XPO5: variants seen among roughly 807,000 people sequenced by gnomAD.
The protein encoded by XPO5 is exportin-5.
XPO5 carries 46 observed loss-of-function variants against 160.6 expected under a neutral mutation model. The ratio of observed to expected loss-of-function variants is 0.29; its 90% CI spans 0.23 to 0.37. The LOEUF (loss-of-function observed/expected upper bound fraction) is 0.37, where lower values mean the gene tolerates loss of function less well. Among genes scored for constraint, XPO5 ranks in the 10% least tolerant of loss-of-function variants. The pLI is 1.00. For synonymous variants in XPO5, 537 were observed against 519.3 expected (o/e 1.03, Z -0.46); for missense variants, 1,090 against 1,463.9 (o/e 0.74, Z 4.17).
intron 8 of XPO5, among the ~76,000 whole-genome samples, chr6:43,563,505 G>A (rs534299110): frequency 3.9e-5 from 6 of 152,278 alleles, no homozygotes; most frequent in Non-Finnish European, 4.4e-5. Flanking sequence ...ATCACTTAAC[G>A]ACTGGGGATG....
chr6:43,569,248 C>T lies in XPO5; in HGVS notation c.622-511G>A, dbSNP rs1173046274. Among the ~76,000 whole-genome samples, 3 of 148,276 alleles carry T rather than the reference C, an allele frequency of 2.0e-5. No homozygotes were observed. In the East Asian group the frequency reaches 5.9e-4, roughly 29 times the overall value. ...CAGAGGTTGCAGTGAACCAAGATTG[C>T]ACTACTGCACTCCAGCCTGGGCAAC... On this transcript the variant is annotated intron_variant, in intron 5 of 31. Coordinates refer to ENST00000265351, the MANE Select transcript of XPO5 (RefSeq NM_020750.3).
chr6:43,574,276 C>T (rs1270866239), intron 1 of XPO5, among the ~76,000 whole-genome samples: 1 of 152,108 alleles, frequency 6.6e-6, no homozygotes, highest in Non-Finnish European at 1.5e-5. Context: ...GCACGCCAGC[C>T]TGGACAACCA....
intron 26 of XPO5, 176 bp from the exon 27 acceptor site, chr6:43,526,923 C>A: frequency 1.6e-6 from 1 of 631,422 alleles, no homozygotes. Context: ...TTCTGATGAC[C>A]GAACTGTTTT....
At chr6:43,562,136 GC>G in intron 9 of XPO5, 110 bp downstream of exon 9, 1 of 728,180 alleles carries the variant, frequency 1.4e-6, no homozygotes, top group Non-Finnish European at 2.3e-6. Context: ...GTATGGCACT[GC>G]CCCATCAGGC....
intron 1 of XPO5, 46 bp downstream of exon 1, chr6:43,575,713 TG>T: frequency 1.3e-6 from 2 of 1,546,906 alleles, no homozygotes; most frequent in Non-Finnish European, 1.8e-6. Flanking sequence ...CTGCTGGGGC[TG>T]GGAGAGGGTG....
Position 43,575,896 on chromosome 6 carries a change from C to A in XPO5, c.-32G>T, listed in dbSNP as rs758608993. The A allele has an allele frequency of 6.2e-6, 10 of 1,605,418 alleles. No homozygotes were observed. The highest frequency in any genetic ancestry group is 8.5e-6 in the Non-Finnish European group (10 of 1,174,078). On this transcript the variant is annotated 5_prime_UTR_variant, in exon 1 of 32. Transcript: ENST00000265351. ...CGCCACGCGCCGAGAGCGCACACCA[C>A]TGCAGTCCCGGGACCACGAGGCACG...
intron 18 of XPO5, 90 bp from the exon 19 acceptor site, chr6:43,547,797 G>A (rs910230892): frequency 2.7e-5 from 29 of 1,081,786 alleles, no homozygotes; most frequent in Middle Eastern, 2.0e-4. Flanking sequence ...TCATTATTTG[G>A]CCCTTAAGAG....
At position 43,527,659 on chromosome 6, in the gene XPO5, T is replaced by C. The variant is rs1793684997; in HGVS notation, c.2895A>G (p.Leu965=). 6.2e-7 allele frequency: 1 copy of C among 1,614,032 alleles called. No individual in the cohort carries two copies. Residue 965 remains leucine (L), a synonymous_variant, in exon 26 of 32, where the codon TTA becomes TTG. Coordinates refer to ENST00000265351, the MANE Select transcript of XPO5 (RefSeq NM_020750.3). Reference sequence around the variant, plus strand: ...TGATTAGGTCCATGACTTCTCGGGTTAACATCCTCACCAGTTGCTCCTCCA... The same window carrying C: ...TGATTAGGTCCATGACTTCTCGGGTCAACATCCTCACCAGTTGCTCCTCCA... ...EMLEEQLVRM[L]TREVMDLITV... is the part of the protein sequence containing the mutation.
At position 43,546,563 on chromosome 6, in the gene XPO5, T is replaced by C. The variant is rs761017927; in HGVS notation, c.2342+8A>G. The C allele has an allele frequency of 2.5e-5, 40 of 1,597,310 alleles. No individual in the cohort carries two copies. Among genetic ancestry groups the C allele is most frequent in the Non-Finnish European group, 3.2e-5 (38 of 1,174,746 alleles). On this transcript the variant is annotated splice_region_variant and intron_variant, in intron 20 of 31. Coordinates refer to ENST00000265351, the MANE Select transcript of XPO5 (RefSeq NM_020750.3). ...AAACAACAGAGAAAAGCCATTATTC[T>C]GACTCACCTTATAAGCGCAAGCAAA...
chr6:43,558,566 C>G lies in XPO5; in HGVS notation c.1247G>C (p.Ser416Thr). 1.3e-6 allele frequency: 2 copies of G among 1,598,988 alleles called. No individual in the cohort carries two copies. Among genetic ancestry groups the G allele is most frequent in the South Asian group, 2.3e-5 (2 of 87,724 alleles). ...AAACCGAGAATATTCACAGCTAGGG[C>G]TGTCTGTTTTAGAAGGAAAGCCCAT... is the stretch of plus-strand genomic sequence containing the variant. Reference protein sequence around the residue: ...VKMGFPSKTDSPSCEYSRFDF... With the variant: ...VKMGFPSKTDTPSCEYSRFDF... The change falls in exon 12 of 32, where the codon AGC (serine) becomes ACC (threonine). Residue 416 changes from serine (S) to threonine (T), a missense_variant. Physicochemically the swap from Ser to Thr is moderately conservative, Grantham distance 58. Coordinates refer to ENST00000265351, the MANE Select transcript of XPO5 (RefSeq NM_020750.3).
chr6:43,557,783 TAAAAA>T lies in XPO5; in HGVS notation c.1312+713_1312+717del, dbSNP rs59661301. ...AATGAATTTTGTCTCAATAAAGCTG[TAAAAA>T]AAAAAAAAAAAAAAAAAAAAAGGAG... On this transcript the variant is annotated intron_variant, in intron 12 of 31. Coordinates refer to ENST00000265351, the MANE Select transcript of XPO5 (RefSeq NM_020750.3). Among the ~76,000 whole-genome samples the T allele has an allele frequency of 2.1e-4, 18 of 87,242 alleles. No individual in the cohort carries two copies. The South Asian group carries it at 5.0e-3, about 24-fold the overall frequency. The allele number at this position is 87,242 out of a possible 152,430, so 57.2% of individuals were successfully genotyped here. A position where few individuals can be genotyped will look rare whatever the true frequency, so the allele number is the denominator to read the frequency against.
rs540973030 is a variant in XPO5, at chr6:43,526,812, G to A, written c.2921-65C>T. On this transcript the variant is annotated intron_variant, in intron 26 of 31. Coordinates refer to ENST00000265351, the MANE Select transcript of XPO5 (RefSeq NM_020750.3). Reference sequence around the variant, plus strand: ...ATATACTACCACAACAGCCACCTCAGGCCCACTGATCCCAACCTGTCTCTG... The same window carrying A: ...ATATACTACCACAACAGCCACCTCAAGCCCACTGATCCCAACCTGTCTCTG... 1.2e-5 allele frequency: 19 copies of A among 1,540,906 alleles called. No homozygotes were observed. The East Asian group carries it at 3.9e-4, about 32-fold the overall frequency.
In XPO5 at chr6:43,549,887, TC is replaced by T; in HGVS notation, c.1770+5del. ...TAGAATCTATTGGTTTAATTAATGGTCTTACCTTACTTTCTTCAACAGTTTC... is the reference window on the plus strand; with the variant it reads ...TAGAATCTATTGGTTTAATTAATGGTTTACCTTACTTTCTTCAACAGTTTC... On this transcript the variant is annotated splice_donor_5th_base_variant and intron_variant, in intron 16 of 31. Coordinates refer to ENST00000265351, the MANE Select transcript of XPO5 (RefSeq NM_020750.3). The T allele has an allele frequency of 6.2e-7, 1 of 1,608,924 alleles. No individual in the cohort carries two copies. The highest frequency in any genetic ancestry group is 8.5e-7 in the Non-Finnish European group (1 of 1,177,096).
intron 20 of XPO5, among the ~76,000 whole-genome samples, chr6:43,535,117 CCT>C (rs1278348652): frequency 6.6e-6 from 1 of 150,460 alleles, no homozygotes; most frequent in Non-Finnish European, 1.5e-5. Flanking sequence ...ACAGTGAAAC[CCT>C]GTCTCTACTA....
In XPO5 at chr6:43,570,512, T is replaced by C. The variant is rs1208557027; in HGVS notation, c.611A>G (p.Tyr204Cys). The change falls in exon 5 of 32, where the codon TAT (tyrosine) becomes TGT (cysteine). Residue 204 changes from tyrosine (Y) to cysteine (C), a missense_variant. Tyr to Cys is a radical substitution (Grantham distance 194, BLOSUM62 -2). This residue lies in a region of XPO5 where 110 missense variants were observed against 97.9 expected (regional missense o/e 1.12). Coordinates refer to ENST00000265351, the MANE Select transcript of XPO5 (RefSeq NM_020750.3). Reference sequence around the variant, plus strand: ...AGGGGTATCCCTTACCACTTGCTGATACTTGTTTACATTTTCTTGAAGTGT... The same window carrying C: ...AGGGGTATCCCTTACCACTTGCTGACACTTGTTTACATTTTCTTGAAGTGT... ...LNTLQENVNK[Y>C]QQVKTDTSQE... 6.2e-7 allele frequency: 1 copy of C among 1,613,288 alleles called. No individual in the cohort carries two copies. Among genetic ancestry groups the C allele is most frequent in the Non-Finnish European group, 8.5e-7 (1 of 1,179,644 alleles).
chr6:43,559,518 C>T (rs572405820), intron 11 of XPO5, among the ~76,000 whole-genome samples: 35 of 152,328 alleles, frequency 2.3e-4, no homozygotes, highest in African/African-American at 8.2e-4. Context: ...TTGTAACTCT[C>T]ACTTGGCCTC....
Position 43,547,598 on chromosome 6 carries a change from A to G in XPO5, c.2160+10T>C, listed in dbSNP as rs1440988131. 2.0e-5 allele frequency: 33 copies of G among 1,612,748 alleles called. No homozygotes were observed. The highest frequency in any genetic ancestry group is 4.0e-5 in the African/African-American group (3 of 74,924). Reference sequence around the variant, plus strand: ...GCCAATGCCACTTCCCATTCCCAGGAAAGTCTTACTCGTGCACGGTTTAAG... The same window carrying G: ...GCCAATGCCACTTCCCATTCCCAGGGAAGTCTTACTCGTGCACGGTTTAAG... On this transcript the variant is annotated intron_variant, in intron 19 of 31. Coordinates refer to ENST00000265351, the MANE Select transcript of XPO5 (RefSeq NM_020750.3).
At chr6:43,547,218 C>A in intron 19 of XPO5, 1 of 364,710 alleles carries the variant, frequency 2.7e-6, no homozygotes, top group Admixed American at 4.2e-5. Context: ...AGGAACAATG[C>A]TTATTTAAAT....
intron 12 of XPO5, among the ~76,000 whole-genome samples, chr6:43,557,925 A>C (rs1762191495): frequency 6.6e-6 from 1 of 151,898 alleles, no homozygotes; most frequent in South Asian, 2.1e-4. Context: ...GAGAAACCCC[A>C]TCTCTACCAA....
Sources: gnomAD v4.1 joint callset for allele counts (sites outside exome capture counted in the v4.1 genomes callset) on GRCh38, gnomAD v4.1.1 for gene constraint, gnomAD v4.1.1 regional missense constraint, MANE v1.5 for transcripts, NCBI Gene and HGNC (gene_info 2026-07-23, HGNC 2026-07-21) for gene names.